Variants in CDK5RAP2 observed in about 807,000 individuals in gnomAD.
CDK5RAP2 encodes the protein CDK5 regulatory subunit-associated protein 2.
Under a neutral mutation model 232.9 loss-of-function variants are expected in CDK5RAP2, and 147 were observed. The observed-to-expected ratio is 0.63, with a 90% confidence interval of 0.55 to 0.72. CDK5RAP2 has a LOEUF of 0.72. CDK5RAP2 is among the 30% of genes least tolerant of loss of function. The pLI is 0.00. For missense variants in CDK5RAP2, 2,195 were observed against 2,231.5 expected (o/e 0.98, Z 0.33); for synonymous variants, 833 against 833.7 (o/e 1.00, Z 0.01).
intron 1 of CDK5RAP2, among the ~76,000 whole-genome samples, chr9:120,573,341 G>C (rs1327398639): frequency 6.6e-6 from 1 of 152,138 alleles, no homozygotes; most frequent in Non-Finnish European, 1.5e-5. Context: ...TTGAGATCAG[G>C]AGTTCGAGAC....
rs1378159793 is a variant in CDK5RAP2, at chr9:120,448,130, A to C, written c.2794-4T>G. 1.2e-6 allele frequency: 2 copies of C among 1,601,360 alleles called. No homozygotes were observed. The highest frequency in any genetic ancestry group is 4.5e-5 in the East Asian group (2 of 44,822). ...GCAAGCGGGACTTCTTAGCCTCCTG[A>C]AAACACACATATGCAACAATGAATA... On this transcript the variant is annotated splice_region_variant and splice_polypyrimidine_tract_variant and intron_variant, in intron 21 of 37. Coordinates refer to ENST00000349780, the MANE Select transcript of CDK5RAP2 (RefSeq NM_018249.6).
chr9:120,470,225 C>CA lies in CDK5RAP2; in HGVS notation c.1859-6_1859-5insT, dbSNP rs1588423815. The CA allele has an allele frequency of 7.0e-7, 1 of 1,433,062 alleles. No homozygotes were observed. The highest frequency in any genetic ancestry group is 9.6e-7 in the Non-Finnish European group (1 of 1,041,746). The allele number at this position is 1,433,062 out of a possible 1,614,324, so 88.8% of individuals were successfully genotyped here. A position where few individuals can be genotyped will look rare whatever the true frequency, so the allele number is the denominator to read the frequency against. On this transcript the variant is annotated splice_polypyrimidine_tract_variant and splice_region_variant and intron_variant, in intron 16 of 37. Transcript: ENST00000349780. ...TATAAAGTGAAAATGATTCTTCTGCCCAAAAAAGAAAAAAAAAAGGTGGGG... is the reference window on the plus strand; with the variant it reads ...TATAAAGTGAAAATGATTCTTCTGCCACAAAAAAGAAAAAAAAAAGGTGGGG...
intron 5 of CDK5RAP2, among the ~76,000 whole-genome samples, chr9:120,544,347 T>C (rs1435478091): frequency 6.6e-6 from 1 of 152,164 alleles, no homozygotes; most frequent in Admixed American, 6.6e-5. Flanking sequence ...CAGATTTGCC[T>C]CCCTGCCCAG....
chr9:120,419,228 AG>A (rs2034422498), intron 27 of CDK5RAP2, among the ~76,000 whole-genome samples: 1 of 152,204 alleles, frequency 6.6e-6, no homozygotes, highest in Admixed American at 6.5e-5. Context: ...TAGAACTGTA[AG>A]AAATAAATTT....
At chr9:120,576,803 C>T (rs2043049684) in intron 1 of CDK5RAP2, among the ~76,000 whole-genome samples, 1 of 151,986 alleles carries the variant, frequency 6.6e-6, no homozygotes, top group Admixed American at 6.6e-5. Context: ...AGGGCAGGCA[C>T]AGTGGCTTGT....
intron 25 of CDK5RAP2, among the ~76,000 whole-genome samples, chr9:120,433,436 G>T (rs1453237085): frequency 6.6e-6 from 1 of 152,110 alleles, no homozygotes; most frequent in East Asian, 1.9e-4. Context: ...TTCTTACAAA[G>T]GCTCCACCAA....
chr9:120,413,808 G>A (rs1588269532), intron 28 of CDK5RAP2, among the ~76,000 whole-genome samples: 1 of 123,884 alleles, frequency 8.1e-6, no homozygotes. Context: ...CGCAGTGAGC[G>A]AGGAGGGAGG....
chr9:120,414,064 A>C (rs2034056300), intron 28 of CDK5RAP2, among the ~76,000 whole-genome samples: 1 of 152,262 alleles, frequency 6.6e-6, no homozygotes, highest in Admixed American at 6.5e-5. Flanking sequence ...ATGACATTAG[A>C]GTCCCTGCCC....
intron 34 of CDK5RAP2, among the ~76,000 whole-genome samples, chr9:120,401,795 C>A (rs2033041114): frequency 6.6e-6 from 1 of 151,858 alleles, no homozygotes; most frequent in Non-Finnish European, 1.5e-5. Flanking sequence ...ACCAGCCTGC[C>A]CAGCATGGTG....
rs76274830 is a variant in CDK5RAP2, at chr9:120,564,164, C to T, written c.195+4157G>A. 7.2e-3 allele frequency among the ~76,000 whole-genome samples: 1,095 copies of T among 152,128 alleles called. 14 individuals carry two copies. Among genetic ancestry groups the T allele is most frequent in the African/African-American group, 0.024 (1,016 of 41,490 alleles). Reference sequence around the variant, plus strand: ...CAGAAATCTCATTTCTAGGAATCTACCCTTAAAAAAAAGAAACACTCGGCG... The same window carrying T: ...CAGAAATCTCATTTCTAGGAATCTATCCTTAAAAAAAAGAAACACTCGGCG... On this transcript the variant is annotated intron_variant, in intron 3 of 37. Coordinates refer to ENST00000349780, the MANE Select transcript of CDK5RAP2 (RefSeq NM_018249.6).
Position 120,448,052 on chromosome 9 carries a change from G to A in CDK5RAP2, c.2868C>T (p.Ala956=), listed in dbSNP as rs778001634. ...RSLGNMYRLP[A]TQEVVTQLQS... ...GCAGCTGCGTCACCACCTCCTGGGT[G>A]GCAGGGAGACGATACATATTTCCTA... The change falls in exon 22 of 38, where the codon GCC becomes GCT. Residue 956 remains alanine, a synonymous_variant. Coordinates refer to ENST00000349780, the MANE Select transcript of CDK5RAP2 (RefSeq NM_018249.6). 3 of 1,614,016 alleles carry A rather than the reference G, an allele frequency of 1.9e-6. No homozygotes were observed. The highest frequency in any genetic ancestry group is 2.5e-6 in the Non-Finnish European group (3 of 1,180,004).
Position 120,518,650 on chromosome 9 carries a change from A to G in CDK5RAP2, c.1093-5T>C. 6.2e-7 allele frequency: 1 copy of G among 1,611,926 alleles called. No individual in the cohort carries two copies. Among genetic ancestry groups the G allele is most frequent in the Non-Finnish European group, 8.5e-7 (1 of 1,178,328 alleles). On this transcript the variant is annotated splice_region_variant and splice_polypyrimidine_tract_variant and intron_variant, in intron 11 of 37. Transcript: ENST00000349780. ...AGTCTCATAGTCTTCAGACCCCTAG[A>G]AGAGAAGGCAGAGAAGCAAGATGAG...
chr9:120,544,224 T>C (rs147267429), intron 5 of CDK5RAP2, among the ~76,000 whole-genome samples: 1 of 152,040 alleles, frequency 6.6e-6, no homozygotes, highest in Non-Finnish European at 1.5e-5. Context: ...TGAGCTGAGG[T>C]TTCCATGTGT....
At chr9:120,465,024 C>A (rs1489941184) in intron 18 of CDK5RAP2, among the ~76,000 whole-genome samples, 1 of 152,222 alleles carries the variant, frequency 6.6e-6, no homozygotes, top group African/African-American at 2.4e-5. Flanking sequence ...AACATGACAG[C>A]CCTACAAATA....
intron 14 of CDK5RAP2, among the ~76,000 whole-genome samples, chr9:120,480,901 T>C (rs2038269405): frequency 1.3e-5 from 2 of 152,244 alleles, no homozygotes; most frequent in South Asian, 4.1e-4. Flanking sequence ...CACATGTCAC[T>C]GGCACAAGGA....
rs2033837355 is a variant in CDK5RAP2, at chr9:120,411,376, G to T, written c.4396C>A (p.Leu1466Ile). The change falls in exon 29 of 38, where the codon CTC (leucine) becomes ATC (isoleucine). Residue 1466 changes from leucine to isoleucine, a missense_variant. Coordinates refer to ENST00000349780, the MANE Select transcript of CDK5RAP2 (RefSeq NM_018249.6). ...RKQNQALNAM[L>I]IKGSRDKQKE... ...CTCTTACCTCTGGATCCTTTAATGA[G>T]CATTGCATTGAGGGCCTGGTTCTGC... 3.8e-6 allele frequency: 6 copies of T among 1,598,870 alleles called. No individual in the cohort carries two copies. The highest frequency in any genetic ancestry group is 4.3e-6 in the Non-Finnish European group (5 of 1,166,148).
chr9:120,569,015 A>T (rs1564388836), intron 2 of CDK5RAP2, among the ~76,000 whole-genome samples: 1 of 152,202 alleles, frequency 6.6e-6, no homozygotes, highest in Non-Finnish European at 1.5e-5. Flanking sequence ...TTAACTGAAC[A>T]AACATGTATT....
intron 12 of CDK5RAP2, among the ~76,000 whole-genome samples, chr9:120,491,980 T>C (rs867258795): frequency 1.2e-4 from 18 of 152,108 alleles, no homozygotes; most frequent in Middle Eastern, 3.2e-3. Flanking sequence ...TTTCCACAAT[T>C]TCTAAATAAT....
At chr9:120,492,096 GA>G (rs577853066) in intron 12 of CDK5RAP2, among the ~76,000 whole-genome samples, 10 of 148,040 alleles carry the variant, frequency 6.8e-5, no homozygotes, top group African/African-American at 1.5e-4. Context: ...ACAGAAAAAG[GA>G]AAAAAAAACC....
Sources: gnomAD v4.1 joint callset for allele counts (sites outside exome capture counted in the v4.1 genomes callset) on GRCh38, gnomAD v4.1.1 for gene constraint, MANE v1.5 for transcripts, NCBI Gene and HGNC (gene_info 2026-07-23, HGNC 2026-07-21) for gene names.